DAPK1: variants seen among roughly 807,000 people sequenced by gnomAD.
The protein encoded by DAPK1 is death associated protein kinase 1.
Under a neutral mutation model 144.9 loss-of-function variants are expected in DAPK1, and 56 were observed. The observed-to-expected ratio is 0.39, with a 90% CI of 0.31 to 0.48. The LOEUF is 0.48. Ranked by LOEUF, DAPK1 falls within the 20% of genes least tolerant of loss-of-function variation. The probability of loss-of-function intolerance (pLI) is 0.95; values close to 1 mark genes in which losing one functional copy is unlikely to be tolerated. For synonymous variants in DAPK1, 690 were observed against 749.0 expected (o/e 0.92, Z 1.29); for missense variants, 1,454 against 1,875.4 (o/e 0.78, Z 4.15).
At chr9:87,648,325 GAA>G (rs554177497) in intron 14 of DAPK1, among the ~76,000 whole-genome samples, 1 of 152,224 alleles carries the variant, frequency 6.6e-6, no homozygotes, top group Non-Finnish European at 1.5e-5. Context: ...AAATTTCTGA[GAA>G]AATCTCTGAG....
intron 2 of DAPK1, among the ~76,000 whole-genome samples, chr9:87,536,100 A>G (rs1053655848): frequency 1.3e-5 from 2 of 152,204 alleles, no homozygotes; most frequent in African/African-American, 4.8e-5. Context: ...CTAAGTTAGT[A>G]TATTGCTCAA....
At chr9:87,584,892 G>A (rs1827891949) in intron 2 of DAPK1, among the ~76,000 whole-genome samples, 1 of 152,118 alleles carries the variant, frequency 6.6e-6, no homozygotes, top group South Asian at 2.1e-4. Flanking sequence ...AGCTAGGCTG[G>A]CCTCGAACTC....
intron 2 of DAPK1, among the ~76,000 whole-genome samples, chr9:87,506,614 T>C (rs923505277): frequency 2.0e-5 from 3 of 152,232 alleles, no homozygotes; most frequent in African/African-American, 7.2e-5. Context: ...CAACAACTAG[T>C]CTGGCTAGCT....
intron 19 of DAPK1, among the ~76,000 whole-genome samples, chr9:87,680,648 C>T (rs931976213): frequency 4.9e-5 from 6 of 123,598 alleles, no homozygotes; most frequent in African/African-American, 1.6e-4. Flanking sequence ...CACACACACA[C>T]ACACGCGCAC....
At chr9:87,669,080 G>C (rs1831161702) in intron 19 of DAPK1, 1 of 182,900 alleles carries the variant, frequency 5.5e-6, no homozygotes, top group Non-Finnish European at 1.2e-5. Context: ...ACAAAAATAA[G>C]TAAAGGCAGG....
At chr9:87,606,032 C>G (rs916312367) in intron 3 of DAPK1, among the ~76,000 whole-genome samples, 1 of 152,200 alleles carries the variant, frequency 6.6e-6, no homozygotes, top group Non-Finnish European at 1.5e-5. Context: ...CTCAGTGGCT[C>G]GTAGTGATGA....
At chr9:87,553,154 A>C (rs888923577) in intron 2 of DAPK1, among the ~76,000 whole-genome samples, 3 of 152,148 alleles carry the variant, frequency 2.0e-5, no homozygotes, top group Non-Finnish European at 2.9e-5. Flanking sequence ...GTTGATATTT[A>C]AGTTCCAGCT....
At chr9:87,595,566 C>T (rs1029797951) in intron 2 of DAPK1, among the ~76,000 whole-genome samples, 1 of 152,236 alleles carries the variant, frequency 6.6e-6, no homozygotes, top group Non-Finnish European at 1.5e-5. Context: ...ACCTGACTCT[C>T]AGCATATTTG....
At chr9:87,704,049 A>G (rs1372521071) in intron 25 of DAPK1, among the ~76,000 whole-genome samples, 1 of 152,204 alleles carries the variant, frequency 6.6e-6, no homozygotes, top group African/African-American at 2.4e-5. Context: ...TGTATGAGTC[A>G]TACAAATTTC....
chr9:87,516,678 G>A lies in DAPK1; in HGVS notation c.62+17539G>A, dbSNP rs538658650. On this transcript the variant is annotated intron_variant, in intron 2 of 25. Coordinates refer to ENST00000408954, the MANE Select transcript of DAPK1 (RefSeq NM_004938.4). ...TAGCATGCTGCGTGTGTGGCCAGGG[G>A]CAGCCCACATGGCTTAATTAGCTCT... Among the ~76,000 whole-genome samples the A allele has an allele frequency of 6.6e-5, 10 of 152,240 alleles. 1 individual carries two copies. Among genetic ancestry groups the A allele is most frequent in the South Asian group, 6.2e-4 (3 of 4,824 alleles).
At chr9:87,498,866 G>A (rs551055681) in intron 1 of DAPK1, 104 bp from the exon 2 acceptor site, 1 of 516,998 alleles carries the variant, frequency 1.9e-6, no homozygotes, top group Non-Finnish European at 3.5e-6. Flanking sequence ...GGGCAGCTCC[G>A]GAGACCCGGT....
At chr9:87,553,401 A>G (rs1420516780) in intron 2 of DAPK1, 2 of 152,048 alleles carry the variant, frequency 1.3e-5, no homozygotes, top group African/African-American at 4.8e-5. Context: ...CCTTAAGGAC[A>G]TGGGCTGTGT....
rs749905027 is a variant in DAPK1 at position 87,698,644 on chromosome 9, C to T, written c.2612-12C>T. 6.3e-6 allele frequency: 10 copies of T among 1,592,992 alleles called. No homozygotes were observed. Among genetic ancestry groups the T allele is most frequent in the Non-Finnish European group, 8.6e-6 (10 of 1,162,276 alleles). ...GACCCACCCCCTGAAGCAGTTCCCT[C>T]TCTGCCCCCAGCCTTCGGTGGCAAG... On this transcript the variant is annotated splice_polypyrimidine_tract_variant and intron_variant, in intron 22 of 25. Transcript: ENST00000408954.
At chr9:87,501,352 C>CT (rs1175872655) in intron 2 of DAPK1, among the ~76,000 whole-genome samples, 1 of 152,184 alleles carries the variant, frequency 6.6e-6, no homozygotes, top group Non-Finnish European at 1.5e-5. Flanking sequence ...AACCCTGTCT[C>CT]TACTAAAAAT....
intron 2 of DAPK1, among the ~76,000 whole-genome samples, chr9:87,524,796 A>T (rs913138778): frequency 7.9e-5 from 12 of 152,236 alleles, no homozygotes; most frequent in African/African-American, 2.7e-4. Flanking sequence ...AGAATGGAAA[A>T]CTAAATATTG....
At chr9:87,504,531 C>A (rs1020512343) in intron 2 of DAPK1, among the ~76,000 whole-genome samples, 1 of 152,146 alleles carries the variant, frequency 6.6e-6, no homozygotes, top group Non-Finnish European at 1.5e-5. Flanking sequence ...CCCCCATGCT[C>A]TTTTACCCTC....
chr9:87,622,809 G>A (rs1270073852), intron 3 of DAPK1, among the ~76,000 whole-genome samples: 1 of 152,068 alleles, frequency 6.6e-6, no homozygotes, highest in East Asian at 1.9e-4. Flanking sequence ...TACTCGGGAG[G>A]TTGAGGCAAG....
At chr9:87,521,181 G>A (rs1825285595) in intron 2 of DAPK1, among the ~76,000 whole-genome samples, 1 of 152,178 alleles carries the variant, frequency 6.6e-6, no homozygotes, top group South Asian at 2.1e-4. Flanking sequence ...TTGTTGCAGG[G>A]GTTGAAGCAT....
At chr9:87,576,060 C>T (rs1348290153) in intron 2 of DAPK1, among the ~76,000 whole-genome samples, 2 of 152,208 alleles carry the variant, frequency 1.3e-5, no homozygotes, top group Non-Finnish European at 2.9e-5. Flanking sequence ...CTCAGGTTAG[C>T]GGTAGTCAGA....
Sources: allele counts gnomAD v4.1 joint callset (sites outside exome capture counted in the v4.1 genomes callset), GRCh38; gene constraint gnomAD v4.1.1; transcripts MANE v1.5; gene names NCBI Gene and HGNC (gene_info 2026-07-23, HGNC 2026-07-21).